The following MTUS2 variants were observed in gnomAD, a reference collection of about 807,000 sequenced individuals.
MTUS2 encodes the protein microtubule associated scaffold protein 2.
In MTUS2, 40 loss-of-function variants were observed where a neutral mutation model predicts 114.1. The observed-to-expected ratio is 0.35, with a 90% CI of 0.27 to 0.46. The LOEUF is 0.46. MTUS2 is among the 20% of genes least tolerant of loss of function. The pLI is 1.00. For synonymous variants in MTUS2, 688 were observed against 672.0 expected (o/e 1.02, Z -0.37); for missense variants, 1,679 against 1,705.4 (o/e 0.98, Z 0.27).
At chr13:29,231,567 T>A (rs1054038403) in intron 5 of MTUS2, among the ~76,000 whole-genome samples, 3 of 152,224 alleles carry the variant, frequency 2.0e-5, no homozygotes, top group African/African-American at 7.2e-5. Context: ...TACAAAAGGT[T>A]ATTTCTGTGT....
intron 5 of MTUS2, among the ~76,000 whole-genome samples, chr13:29,177,975 C>A (rs923137072): frequency 1.3e-5 from 2 of 152,120 alleles, no homozygotes; most frequent in African/African-American, 4.8e-5. Context: ...AATGTGATGA[C>A]CATGGCTTTT....
chr13:29,055,109 T>C (rs1252280434), intron 4 of MTUS2, among the ~76,000 whole-genome samples: 3 of 152,106 alleles, frequency 2.0e-5, no homozygotes, highest in African/African-American at 7.2e-5. Flanking sequence ...AAATTTGTTC[T>C]ATCAGTTACT....
chr13:28,865,738 C>A (rs1877259624), intron 2 of MTUS2, among the ~76,000 whole-genome samples: 1 of 152,078 alleles, frequency 6.6e-6, no homozygotes, highest in African/African-American at 2.4e-5. Context: ...ATTGATTGAA[C>A]CAGCAGAGAA....
At chr13:29,140,709 GAAAA>G (rs1892182751) in intron 5 of MTUS2, among the ~76,000 whole-genome samples, 1 of 152,174 alleles carries the variant, frequency 6.6e-6, no homozygotes, top group Non-Finnish European at 1.5e-5. Context: ...CCAATCACTA[GAAAA>G]TCACCTCTTC....
intron 2 of MTUS2, among the ~76,000 whole-genome samples, chr13:28,899,997 C>T (rs1879544974): frequency 2.0e-5 from 3 of 152,132 alleles, no homozygotes; most frequent in Non-Finnish European, 2.9e-5. Context: ...AATCCATTCT[C>T]CTGCCTCAGC....
chr13:29,272,505 G>T (rs1265490255), intron 5 of MTUS2, among the ~76,000 whole-genome samples: 1 of 152,080 alleles, frequency 6.6e-6, no homozygotes. Flanking sequence ...ATTTCTTTTG[G>T]GAGTTTAGGC....
Position 28,838,966 on chromosome 13 carries a change from G to GT in MTUS2, c.-315-811dup, listed in dbSNP as rs1407765244. Among the ~76,000 whole-genome samples the GT allele has an allele frequency of 8.6e-5, 13 of 151,618 alleles. No individual in the cohort carries two copies. The South Asian group carries it at 2.7e-3, about 32-fold the overall frequency. On this transcript the variant is annotated intron_variant, in intron 1 of 15. Coordinates refer to ENST00000612955, the MANE Select transcript of MTUS2 (RefSeq NM_001033602.4). ...TTGAGCAATAGGTAGTTTAGAAAAT[G>GT]TAATTGTTTCATAATCACTGGGGTT...
chr13:29,080,846 C>T (rs1889409530), intron 4 of MTUS2, among the ~76,000 whole-genome samples: 1 of 152,150 alleles, frequency 6.6e-6, no homozygotes, highest in African/African-American at 2.4e-5. Flanking sequence ...CTGCCTCAGC[C>T]TCCCAAGTAG....
At chr13:29,232,280 ACACACACACACACACACGCGCGCGCG>A (rs1411309010) in intron 5 of MTUS2, among the ~76,000 whole-genome samples, 1 of 42,932 alleles carries the variant, frequency 2.3e-5, no homozygotes, top group Non-Finnish European at 4.3e-5. Flanking sequence ...ACATACATAC[ACACACACACACACACACGCGCGCGCG>A]CACACACACA....
chr13:29,340,097 A>G (rs1901313222), intron 7 of MTUS2, among the ~76,000 whole-genome samples: 1 of 152,250 alleles, frequency 6.6e-6, no homozygotes, highest in African/African-American at 2.4e-5. Context: ...CCCTCTGGCC[A>G]TAGGGTTCCG....
intron 8 of MTUS2, among the ~76,000 whole-genome samples, chr13:29,397,429 A>G (rs765795085): frequency 2.6e-5 from 4 of 151,972 alleles, no homozygotes; most frequent in Non-Finnish European, 4.4e-5. Context: ...CATTCCCCCC[A>G]TAACCAGTAC....
rs370016354 is a variant in MTUS2, at chr13:28,932,944, A to G, written c.-242-91513A>G. Among the ~76,000 whole-genome samples the G allele has an allele frequency of 3.3e-5, 5 of 152,334 alleles. No homozygotes were observed. The East Asian group carries it at 5.8e-4, about 18-fold the overall frequency. ...TTTAAATAATGAAAATATGGGATAT[A>G]CATCCAAAATAAAGGGCATAGTTTC... On this transcript the variant is annotated intron_variant, in intron 2 of 15. Coordinates refer to ENST00000612955, the MANE Select transcript of MTUS2 (RefSeq NM_001033602.4).
chr13:29,299,027 T>A (rs1358383172), intron 6 of MTUS2, among the ~76,000 whole-genome samples: 1 of 152,186 alleles, frequency 6.6e-6, no homozygotes, highest in Non-Finnish European at 1.5e-5. Flanking sequence ...GCAATTAGTT[T>A]GGGGGTAGAA....
intron 2 of MTUS2, among the ~76,000 whole-genome samples, chr13:28,981,702 A>G (rs1017890031): frequency 6.6e-6 from 1 of 152,102 alleles, no homozygotes; most frequent in African/African-American, 2.4e-5. Flanking sequence ...GCGCTTGGCA[A>G]TGGGCCTCCT....
intron 5 of MTUS2, among the ~76,000 whole-genome samples, chr13:29,139,419 C>G (rs78431858): frequency 6.6e-6 from 1 of 152,174 alleles, no homozygotes; most frequent in East Asian, 1.9e-4. Context: ...GCAAGACTTT[C>G]ATTTTAACTT....
chr13:28,914,008 A>G (rs894537436), intron 2 of MTUS2, among the ~76,000 whole-genome samples: 2 of 151,266 alleles, frequency 1.3e-5, no homozygotes, highest in African/African-American at 4.8e-5. Context: ...TCTCTTTTCT[A>G]TTAGTCTAGC....
intron 14 of MTUS2, among the ~76,000 whole-genome samples, chr13:29,500,172 C>T (rs1413352593): frequency 6.6e-6 from 1 of 152,204 alleles, no homozygotes; most frequent in African/African-American, 2.4e-5. Flanking sequence ...GCTTCTCATC[C>T]CAGAAACCTT....
At chr13:29,277,564 T>C (rs1898111586) in intron 5 of MTUS2, among the ~76,000 whole-genome samples, 1 of 152,150 alleles carries the variant, frequency 6.6e-6, no homozygotes, top group South Asian at 2.1e-4. Flanking sequence ...GATAGACAAA[T>C]AGACCAATGA....
chr13:29,160,532 A>G (rs1318686170), intron 5 of MTUS2, among the ~76,000 whole-genome samples: 4 of 152,164 alleles, frequency 2.6e-5, no homozygotes, highest in Non-Finnish European at 5.9e-5. Context: ...GCACTTTGGG[A>G]GGCCGAGGCC....
Sources: gnomAD v4.1 joint callset for allele counts (sites outside exome capture counted in the v4.1 genomes callset) on GRCh38, gnomAD v4.1.1 for gene constraint, MANE v1.5 for transcripts, NCBI Gene and HGNC (gene_info 2026-07-23, HGNC 2026-07-21) for gene names.